ZFAND3: variants seen among roughly 807,000 people sequenced by gnomAD.
The protein encoded by ZFAND3 is zinc finger AN1-type containing 3.
A neutral mutation model predicts 29.6 loss-of-function variants in ZFAND3; 10 were observed. The observed-to-expected ratio is 0.34, with a 90% CI of 0.21 to 0.57. The LOEUF is 0.57. Ranked by LOEUF, ZFAND3 falls within the 20% of genes least tolerant of loss-of-function variation. ZFAND3 has a pLI of 0.86. For synonymous variants in ZFAND3, 128 were observed against 112.6 expected (o/e 1.14, Z -0.87); for missense variants, 230 against 304.5 (o/e 0.76, Z 1.82).
chr6:37,830,958 G>T (rs901010545), intron 1 of ZFAND3, among the ~76,000 whole-genome samples: 1 of 151,670 alleles, frequency 6.6e-6, no homozygotes, highest in Admixed American at 6.6e-5. Context: ...GCTGATGAAG[G>T]GCCCCCTTTC....
intron 2 of ZFAND3, among the ~76,000 whole-genome samples, chr6:38,013,727 T>TAA (rs146912961): frequency 2.0e-5 from 3 of 146,938 alleles, no homozygotes; most frequent in Admixed American, 6.8e-5. Context: ...ACTGGAGAGT[T>TAA]AAAAAAAAAA....
rs573938710 is a variant in ZFAND3 at position 38,068,668 on chromosome 6, C to T, written c.295+6893C>T. Among the ~76,000 whole-genome samples, 202 of 152,232 alleles carry T rather than the reference C, an allele frequency of 1.3e-3. 1 individual carries two copies. The highest frequency in any genetic ancestry group is 4.7e-3 in the African/African-American group (196 of 41,512). ...TATAATACGGGACTCTGGTTTTTTT[C>T]CTGCTCTTGTCTACTGCATCCACCC... On this transcript the variant is annotated intron_variant, in intron 3 of 5. Transcript: ENST00000287218.
At chr6:38,056,744 T>C (rs1366082722) in intron 2 of ZFAND3, among the ~76,000 whole-genome samples, 9 of 152,236 alleles carry the variant, frequency 5.9e-5, no homozygotes, top group Admixed American at 2.6e-4. Flanking sequence ...TTCACTTTGC[T>C]AGCACCATTA....
At chr6:37,933,352 G>A (rs929709507) in intron 2 of ZFAND3, among the ~76,000 whole-genome samples, 2 of 152,188 alleles carry the variant, frequency 1.3e-5, no homozygotes, top group African/African-American at 4.8e-5. Context: ...CTTACCGAGA[G>A]AATACGTTGT....
At chr6:37,892,256 A>G (rs1765118687) in intron 1 of ZFAND3, among the ~76,000 whole-genome samples, 2 of 152,230 alleles carry the variant, frequency 1.3e-5, no homozygotes, top group Non-Finnish European at 2.9e-5. Flanking sequence ...GAAATCAGAA[A>G]ATACTTTCAG....
At chr6:38,143,173 A>C (rs941850) in intron 5 of ZFAND3, 55,761 of 152,248 alleles carry the variant, frequency 0.37, 10,584 homozygotes, top group African/African-American at 0.41. Context: ...ACTGGGACGA[A>C]GCCGACATTC....
intron 2 of ZFAND3, among the ~76,000 whole-genome samples, chr6:37,950,233 G>A (rs774663544): frequency 2.8e-5 from 4 of 144,204 alleles, no homozygotes; most frequent in South Asian, 2.2e-4. Context: ...CATAGTTTTA[G>A]GTTTTACATT....
chr6:38,046,700 G>A (rs1763910706), intron 2 of ZFAND3, among the ~76,000 whole-genome samples: 1 of 152,158 alleles, frequency 6.6e-6, no homozygotes, highest in Admixed American at 6.5e-5. Context: ...AAACCAACAT[G>A]TCGTGGTCCT....
At chr6:37,955,341 T>TA (rs1762069465) in intron 2 of ZFAND3, among the ~76,000 whole-genome samples, 1 of 152,192 alleles carries the variant, frequency 6.6e-6, no homozygotes, top group Non-Finnish European at 1.5e-5. Flanking sequence ...AGCTAAAAGA[T>TA]ATGTTGTTTA....
At chr6:37,824,546 C>T (rs1763725242) in intron 1 of ZFAND3, among the ~76,000 whole-genome samples, 1 of 152,158 alleles carries the variant, frequency 6.6e-6, no homozygotes, top group South Asian at 2.1e-4. Flanking sequence ...TTTGCTTTTA[C>T]AATTGGAGAT....
intron 2 of ZFAND3, among the ~76,000 whole-genome samples, chr6:38,046,481 A>G (rs1763907277): frequency 6.6e-6 from 1 of 152,228 alleles, no homozygotes. Context: ...TGTTAGTTAT[A>G]CCCAATTTCA....
chr6:37,941,292 G>A (rs1761805992), intron 2 of ZFAND3, among the ~76,000 whole-genome samples: 2 of 152,154 alleles, frequency 1.3e-5, no homozygotes, highest in South Asian at 2.1e-4. Flanking sequence ...TAGATTAGTC[G>A]GGATTGTACT....
At chr6:37,886,378 G>A (rs9394464) in intron 1 of ZFAND3, among the ~76,000 whole-genome samples, 5 of 151,644 alleles carry the variant, frequency 3.3e-5, no homozygotes, top group Admixed American at 1.3e-4. Flanking sequence ...TGTGATCTTA[G>A]GTAAATCACT....
At chr6:37,932,776 C>T (rs948266709) in intron 2 of ZFAND3, among the ~76,000 whole-genome samples, 1 of 152,162 alleles carries the variant, frequency 6.6e-6, no homozygotes, top group Non-Finnish European at 1.5e-5. Context: ...AATTATCTGT[C>T]TCGTGATCTG....
At chr6:38,011,063 T>C (rs1392600012) in intron 2 of ZFAND3, among the ~76,000 whole-genome samples, 1 of 152,100 alleles carries the variant, frequency 6.6e-6, no homozygotes, top group Non-Finnish European at 1.5e-5. Flanking sequence ...TTTCTAAAAA[T>C]TCATATTAAT....
chr6:37,902,737 CTTTTTTT>C (rs11448512), intron 1 of ZFAND3, among the ~76,000 whole-genome samples: 9,268 of 100,450 alleles, frequency 0.092, 379 homozygotes, highest in Middle Eastern at 0.13. Flanking sequence ...CTTTTACTTA[CTTTTTTT>C]TTTTTTTTTT....
intron 1 of ZFAND3, among the ~76,000 whole-genome samples, chr6:37,825,229 C>G (rs1423624616): frequency 6.6e-6 from 1 of 152,178 alleles, no homozygotes; most frequent in Non-Finnish European, 1.5e-5. Flanking sequence ...CTTTCAAGAT[C>G]ATGTGAACAC....
At chr6:37,874,166 T>G (rs1268615638) in intron 1 of ZFAND3, among the ~76,000 whole-genome samples, 1 of 152,224 alleles carries the variant, frequency 6.6e-6, no homozygotes, top group Non-Finnish European at 1.5e-5. Flanking sequence ...GATGGCCATC[T>G]TCTCCCTGTG....
chr6:37,833,513 C>T (rs976066788), intron 1 of ZFAND3, among the ~76,000 whole-genome samples: 30 of 151,904 alleles, frequency 2.0e-4, no homozygotes, highest in Non-Finnish European at 3.8e-4. Context: ...CAAGTGTGTA[C>T]TTTGGTAGAT....
Sources: allele counts gnomAD v4.1 joint callset (sites outside exome capture counted in the v4.1 genomes callset), GRCh38; gene constraint gnomAD v4.1.1; transcripts MANE v1.5; gene names NCBI Gene and HGNC (gene_info 2026-07-23, HGNC 2026-07-21).